Variants in DIS3L2 observed in about 807,000 individuals in gnomAD.
DIS3L2 encodes DIS3-like exonuclease 2.
Under a neutral mutation model 97.5 loss-of-function variants are expected in DIS3L2, and 34 were observed. The observed-to-expected ratio is 0.35, with a 90% CI of 0.27 to 0.46. The LOEUF (loss-of-function observed/expected upper bound fraction) is 0.46. Among genes scored for constraint, DIS3L2 ranks in the 20% least tolerant of loss-of-function variants. DIS3L2 has a pLI of 1.00. For synonymous variants in DIS3L2, 435 were observed against 445.2 expected, an observed-to-expected ratio of 0.98 and a Z score of 0.29; for missense variants, 1,038 against 1,146.0, an observed-to-expected ratio of 0.91 and a Z score of 1.36.
chr2:232,235,917 G>A (rs1370262448), intron 10 of DIS3L2, among the ~76,000 whole-genome samples: 2 of 152,218 alleles, frequency 1.3e-5, no homozygotes, highest in African/African-American at 2.4e-5. Context: ...GTGCCTGTCA[G>A]AATGAGGCAG....
chr2:232,328,635 A>ATC (rs1348734064), intron 14 of DIS3L2: 1 of 151,894 alleles, frequency 6.6e-6, no homozygotes, highest in Non-Finnish European at 1.5e-5. Context: ...TTCCTCCCTG[A>ATC]TCTCTCTCAC....
At chr2:232,253,510 A>ATTTTT (rs1163922731) in intron 12 of DIS3L2, among the ~76,000 whole-genome samples, 1 of 152,216 alleles carries the variant, frequency 6.6e-6, no homozygotes, top group Non-Finnish European at 1.5e-5. Flanking sequence ...AACCAAGCAA[A>ATTTTT]TAAAAAGACA....
At chr2:232,005,628 A>G (rs1327052300) in intron 1 of DIS3L2, among the ~76,000 whole-genome samples, 1 of 151,588 alleles carries the variant, frequency 6.6e-6, no homozygotes, top group Non-Finnish European at 1.5e-5. Context: ...CCAGATTCCT[A>G]CTCCTCCCAA....
chr2:232,215,430 C>A (rs912731170), intron 10 of DIS3L2, among the ~76,000 whole-genome samples: 3 of 152,206 alleles, frequency 2.0e-5, no homozygotes, highest in Admixed American at 2.0e-4. Flanking sequence ...GCCTAAGGGG[C>A]CTCTGGGGTG....
At chr2:232,254,601 A>G (rs1693506225) in intron 12 of DIS3L2, among the ~76,000 whole-genome samples, 1 of 152,228 alleles carries the variant, frequency 6.6e-6, no homozygotes, top group African/African-American at 2.4e-5. Context: ...AGTCAACAGA[A>G]AAGAACTTTG....
intron 5 of DIS3L2, among the ~76,000 whole-genome samples, chr2:232,043,850 C>T (rs1267152604): frequency 6.6e-6 from 1 of 152,136 alleles, no homozygotes; most frequent in African/African-American, 2.4e-5. Context: ...GATACTGCTG[C>T]TTGCTACTGC....
At chr2:232,337,910 C>T (rs1383789628), downstream of DIS3L2, among the ~76,000 whole-genome samples, 3 of 150,946 alleles carry the variant, frequency 2.0e-5, no homozygotes, top group Non-Finnish European at 4.4e-5. Flanking sequence ...CCTTTCCCTC[C>T]TCCAGGGCTC....
chr2:232,030,123 C>G, intron 5 of DIS3L2, 43 bp downstream of exon 5: 1 of 1,542,962 alleles, frequency 6.5e-7, no homozygotes, highest in Non-Finnish European at 8.9e-7. Context: ...TTCTTAGGGT[C>G]TTTCACATTC....
At position 232,281,485 on chromosome 2, in the gene DIS3L2, C is replaced by T. The variant is rs372864635; in HGVS notation, c.1659+18045C>T. Among the ~76,000 whole-genome samples, 16 of 152,266 alleles carry T rather than the reference C, an allele frequency of 1.1e-4. No individual in the cohort carries two copies. In the East Asian group the frequency reaches 2.3e-3, roughly 22 times the overall value. On this transcript the variant is annotated intron_variant, in intron 13 of 20. Coordinates refer to ENST00000325385, the MANE Select transcript of DIS3L2 (RefSeq NM_152383.5). This position sits in a 1 kb window ranked among gnomAD's most constrained non-coding sequence, Gnocchi z 4.1. ...TACATATAGGAGTTGTGGGATGGGA[C>T]CTCTTTTTTAGAAAGATCTCTTTGG...
intron 5 of DIS3L2, among the ~76,000 whole-genome samples, chr2:232,071,374 T>C (rs887318945): frequency 6.6e-6 from 1 of 151,784 alleles, no homozygotes; most frequent in Non-Finnish European, 1.5e-5. Flanking sequence ...AAAGAAAAGG[T>C]AGCCAGGCAT....
intron 1 of DIS3L2, among the ~76,000 whole-genome samples, chr2:231,984,417 G>C (rs1283566582): frequency 1.5e-5 from 2 of 132,550 alleles, no homozygotes; most frequent in African/African-American, 2.8e-5. Context: ...GACGGAGTCT[G>C]GCTCTGTCGC....
intron 8 of DIS3L2, among the ~76,000 whole-genome samples, chr2:232,146,571 A>G (rs1690221029): frequency 1.3e-5 from 2 of 152,200 alleles, no homozygotes; most frequent in Admixed American, 1.3e-4. Flanking sequence ...GATGGCTGCC[A>G]GTATGATTAG....
chr2:232,026,710 A>G (rs1694669569), intron 4 of DIS3L2, among the ~76,000 whole-genome samples: 1 of 152,108 alleles, frequency 6.6e-6, no homozygotes, highest in African/African-American at 2.4e-5. Context: ...CCTGCAAGCT[A>G]AATTCAAGTA....
chr2:232,038,598 C>T (rs896098073), intron 5 of DIS3L2, among the ~76,000 whole-genome samples: 7 of 152,200 alleles, frequency 4.6e-5, no homozygotes, highest in Admixed American at 4.6e-4. Flanking sequence ...ATAAGTAAGT[C>T]TGTTGCATTG....
chr2:232,217,247 G>T (rs4973509), intron 10 of DIS3L2, among the ~76,000 whole-genome samples: 1 of 152,186 alleles, frequency 6.6e-6, no homozygotes, highest in Admixed American at 6.5e-5. Flanking sequence ...GTAGAAAGCC[G>T]AATGCTGCTG....
At chr2:232,297,143 G>A (rs994972632) in intron 13 of DIS3L2, among the ~76,000 whole-genome samples, 1 of 152,078 alleles carries the variant, frequency 6.6e-6, no homozygotes, top group African/African-American at 2.4e-5. Context: ...TCATCTCATT[G>A]GGCTACTGCA....
chr2:232,139,858 A>G (rs796103121), intron 8 of DIS3L2, among the ~76,000 whole-genome samples: 4 of 152,282 alleles, frequency 2.6e-5, no homozygotes, highest in African/African-American at 9.6e-5. Context: ...GTTGCAATGG[A>G]GGAAACAAAA....
intron 9 of DIS3L2, among the ~76,000 whole-genome samples, chr2:232,194,045 G>A (rs984349468): frequency 3.3e-5 from 5 of 152,154 alleles, no homozygotes; most frequent in Non-Finnish European, 7.3e-5. Flanking sequence ...GGGAAGCAGA[G>A]GTTGCAGTGA....
At position 232,240,572 on chromosome 2, in the gene DIS3L2, G is replaced by A. The variant is rs184126301; in HGVS notation, c.1317+1927G>A. 1.8e-4 allele frequency among the ~76,000 whole-genome samples: 27 copies of A among 152,306 alleles called. No individual in the cohort carries two copies. In the South Asian group the frequency reaches 2.3e-3, roughly 13 times the overall value. ...TCCTCATCTGAGCAGGGGGAATTCC[G>A]TACCAGACTTTGCTTGTGTCAAACG... On this transcript the variant is annotated intron_variant, in intron 11 of 20. Coordinates refer to ENST00000325385, the MANE Select transcript of DIS3L2 (RefSeq NM_152383.5).
Sources: gnomAD v4.1 joint callset for allele counts (sites outside exome capture counted in the v4.1 genomes callset) on GRCh38, gnomAD v4.1.1 for gene constraint, Gnocchi (gnomAD v3.1) non-coding constraint, MANE v1.5 for transcripts, NCBI Gene and HGNC (gene_info 2026-07-23, HGNC 2026-07-21) for gene names.